NCALD: variants seen among roughly 807,000 people sequenced by gnomAD.
NCALD encodes neurocalcin-delta.
In NCALD, 10 loss-of-function variants were observed where a neutral mutation model predicts 18.6. That is an observed-to-expected ratio of 0.54 (90% CI 0.33 to 0.91). NCALD has a LOEUF of 0.91. Ranked by LOEUF, NCALD falls within the 40% of genes least tolerant of loss-of-function variation. The pLI is 0.03. For missense variants in NCALD, 184 were observed against 247.6 expected (o/e 0.74, Z 1.72); for synonymous variants, 88 against 87.4 (o/e 1.01, Z -0.04).
intron 1 of NCALD, among the ~76,000 whole-genome samples, chr8:102,094,499 A>G (rs533588968): frequency 6.6e-6 from 1 of 152,292 alleles, no homozygotes; most frequent in East Asian, 1.9e-4. Flanking sequence ...ATCCTGTACT[A>G]TTTCCACTAC....
chr8:101,793,273 C>T (rs974502945), upstream of NCALD, among the ~76,000 whole-genome samples: 7 of 151,254 alleles, frequency 4.6e-5, no homozygotes, highest in South Asian at 2.1e-4. Context: ...TCGCTTGAAC[C>T]TGGGAGGTGG....
chr8:101,846,938 C>T (rs1024770221), intron 4 of NCALD, among the ~76,000 whole-genome samples: 10 of 152,194 alleles, frequency 6.6e-5, no homozygotes, highest in African/African-American at 2.4e-4. Flanking sequence ...TTTTTGCATA[C>T]TTATTCCAGT....
At chr8:101,723,071 G>T (rs574475865) in intron 1 of NCALD, among the ~76,000 whole-genome samples, 1 of 152,170 alleles carries the variant, frequency 6.6e-6, no homozygotes, top group Admixed American at 6.5e-5. Flanking sequence ...ATTTCTGCCC[G>T]TTTGAGTCGA....
At chr8:101,876,661 T>C (rs989858766) in intron 4 of NCALD, among the ~76,000 whole-genome samples, 3 of 152,192 alleles carry the variant, frequency 2.0e-5, no homozygotes, top group African/African-American at 7.2e-5. Flanking sequence ...CTTAATACCA[T>C]GGCAATGGAT....
intron 1 of NCALD, among the ~76,000 whole-genome samples, chr8:102,049,432 A>G (rs985498733): frequency 6.6e-6 from 1 of 152,134 alleles, no homozygotes; most frequent in African/African-American, 2.4e-5. Context: ...TTGTTTATTC[A>G]TTCATCTACT....
intron 2 of NCALD, among the ~76,000 whole-genome samples, chr8:101,933,298 C>T (rs10955277): frequency 0.39 from 59,715 of 152,006 alleles, 12,185 homozygotes; most frequent in South Asian, 0.46. Flanking sequence ...ACAATGTTCC[C>T]GAGTCAGGAG....
intron 3 of NCALD, chr8:101,691,623 T>C (rs1300748436): frequency 4.1e-6 from 4 of 985,280 alleles, no homozygotes; most frequent in Non-Finnish European, 4.8e-6. Flanking sequence ...GCTTGTTTAG[T>C]CACAACTATT....
intron 2 of NCALD, among the ~76,000 whole-genome samples, chr8:101,928,630 TA>T (rs1028468718): frequency 1.3e-5 from 2 of 152,054 alleles, no homozygotes; most frequent in Non-Finnish European, 2.9e-5. Context: ...TTCTGTGTTT[TA>T]TTTTTTTCCT....
At chr8:101,770,714 G>A (rs1283568826) in intron 1 of NCALD, among the ~76,000 whole-genome samples, 2 of 152,214 alleles carry the variant, frequency 1.3e-5, no homozygotes, top group Non-Finnish European at 2.9e-5. Flanking sequence ...GCACAGGGCA[G>A]AGACAGCCAC....
chr8:102,040,072 A>G (rs572095854), intron 1 of NCALD, among the ~76,000 whole-genome samples: 2 of 152,334 alleles, frequency 1.3e-5, no homozygotes, highest in Admixed American at 1.3e-4. Flanking sequence ...CTAAGACAAC[A>G]GGGATGCAAT....
At chr8:101,977,370 G>C (rs1011995816) in intron 2 of NCALD, among the ~76,000 whole-genome samples, 1 of 152,194 alleles carries the variant, frequency 6.6e-6, no homozygotes, top group Non-Finnish European at 1.5e-5. Context: ...CTGCTGAAAA[G>C]TTAAAAGTAT....
At chr8:101,857,606 G>T (rs921403919) in intron 4 of NCALD, among the ~76,000 whole-genome samples, 1 of 152,212 alleles carries the variant, frequency 6.6e-6, no homozygotes, top group African/African-American at 2.4e-5. Context: ...AGATTTGCAT[G>T]CAGAAGAGGA....
intron 1 of NCALD, among the ~76,000 whole-genome samples, chr8:102,101,860 G>T (rs1825294282): frequency 6.6e-6 from 1 of 152,184 alleles, no homozygotes; most frequent in South Asian, 2.1e-4. Context: ...GGCTGTGTGG[G>T]AGCCTGAATT....
At chr8:101,940,587 C>CA (rs1363261089) in intron 2 of NCALD, among the ~76,000 whole-genome samples, 1 of 152,170 alleles carries the variant, frequency 6.6e-6, no homozygotes, top group Non-Finnish European at 1.5e-5. Context: ...TGAGCCTATA[C>CA]AAACAGCAGC....
intron 4 of NCALD, among the ~76,000 whole-genome samples, chr8:101,860,788 A>G (rs902386279): frequency 4.6e-5 from 7 of 152,116 alleles, no homozygotes; most frequent in African/African-American, 1.4e-4. Context: ...ATCATCTTAC[A>G]CTATAAGGAG....
At chr8:102,108,016 C>G (rs1224909490) in intron 1 of NCALD, among the ~76,000 whole-genome samples, 1 of 152,002 alleles carries the variant, frequency 6.6e-6, no homozygotes, top group Non-Finnish European at 1.5e-5. Flanking sequence ...GCCCCTGCTC[C>G]TGGTCCCCAC....
intron 2 of NCALD, among the ~76,000 whole-genome samples, chr8:101,936,506 A>C (rs1418763916): frequency 6.6e-6 from 1 of 152,190 alleles, no homozygotes; most frequent in East Asian, 1.9e-4. Flanking sequence ...GAAATATAGA[A>C]GGTAATAATC....
intron 1 of NCALD, among the ~76,000 whole-genome samples, chr8:102,023,046 A>G (rs1822330868): frequency 6.6e-6 from 1 of 152,210 alleles, no homozygotes; most frequent in South Asian, 2.1e-4. Context: ...GCTTGGTCCT[A>G]GAGCCAAGGT....
intron 1 of NCALD, among the ~76,000 whole-genome samples, chr8:102,095,315 C>G (rs1240080668): frequency 6.6e-6 from 1 of 152,132 alleles, no homozygotes; most frequent in Non-Finnish European, 1.5e-5. Flanking sequence ...AAGAACTGAG[C>G]TGGGCCAGTG....
Sources: gnomAD v4.1 joint callset for allele counts (sites outside exome capture counted in the v4.1 genomes callset) on GRCh38, gnomAD v4.1.1 for gene constraint, MANE v1.5 for transcripts, NCBI Gene and HGNC (gene_info 2026-07-23, HGNC 2026-07-21) for gene names.